BLTP3B: variants seen among roughly 807,000 people sequenced by gnomAD.
The protein encoded by BLTP3B is bridge-like lipid transfer protein family member 3B.
At chr12:100,070,287 TTAA>T in the BLTP3B span, 14 of 1,226,056 alleles carry the variant, frequency 1.1e-5, no homozygotes, top group African/African-American at 2.2e-4. Context: ...TTTTAATTAA[TTAA>T]TTTTTTTTTT....
the BLTP3B span, chr12:100,128,748 G>T: frequency 2.4e-6 from 3 of 1,268,026 alleles, no homozygotes; most frequent in Non-Finnish European, 3.1e-6. Flanking sequence ...GGTACACAGG[G>T]GACACAGAAG....
chr12:100,039,613 C>T, the BLTP3B span: 16 of 1,612,860 alleles, frequency 9.9e-6, no homozygotes, highest in Non-Finnish European at 1.3e-5. Flanking sequence ...CTAGTGAAGT[C>T]AAAGGAGAAC....
chr12:100,140,646 C>T, the BLTP3B span, among the ~76,000 whole-genome samples: 1 of 133,194 alleles, frequency 7.5e-6, no homozygotes, highest in Non-Finnish European at 1.5e-5. Context: ...CAGAGGCTGC[C>T]GTGAGCCGAG....
At chr12:100,062,587 G>C in the BLTP3B span, among the ~76,000 whole-genome samples, 3 of 148,674 alleles carry the variant, frequency 2.0e-5, no homozygotes, top group Non-Finnish European at 3.0e-5. Context: ...AAGGAATTTT[G>C]TAACTTTTTT....
the BLTP3B span, among the ~76,000 whole-genome samples, chr12:100,085,459 T>C: frequency 2.0e-5 from 3 of 152,090 alleles, no homozygotes. Context: ...GACGATAGTA[T>C]ATAAGACAAA....
the BLTP3B span, among the ~76,000 whole-genome samples, chr12:100,096,191 T>G: frequency 6.6e-6 from 1 of 151,786 alleles, no homozygotes; most frequent in Non-Finnish European, 1.5e-5. Flanking sequence ...GAGGCAGAGG[T>G]TGCAGTGAGC....
chr12:100,047,132 TATA>T, the BLTP3B span, among the ~76,000 whole-genome samples: 1 of 152,092 alleles, frequency 6.6e-6, no homozygotes, highest in African/African-American at 2.4e-5. Context: ...ATATAAGAAA[TATA>T]ATAAGTGAAA....
chr12:100,119,026 C>G, the BLTP3B span, among the ~76,000 whole-genome samples: 6 of 152,156 alleles, frequency 3.9e-5, no homozygotes, highest in Middle Eastern at 3.4e-3. Flanking sequence ...TGCTTGAACT[C>G]AGGAGGCGGA....
At chr12:100,039,548 C>T in the BLTP3B span, 7 of 1,498,154 alleles carry the variant, frequency 4.7e-6, no homozygotes, top group Non-Finnish European at 4.6e-6. Flanking sequence ...ATCTTAATAC[C>T]TAGTTATTTA....
chr12:100,040,724 C>A, the BLTP3B span, among the ~76,000 whole-genome samples: 1 of 151,372 alleles, frequency 6.6e-6, no homozygotes, highest in Admixed American at 6.6e-5. Context: ...AACTATGTAA[C>A]TTAGATGAAA....
the BLTP3B span, among the ~76,000 whole-genome samples, chr12:100,123,402 CACA>C: frequency 1.3e-5 from 2 of 152,162 alleles, no homozygotes; most frequent in Non-Finnish European, 1.5e-5. Context: ...CCTCTGCTCA[CACA>C]ACAATAATCA....
chr12:100,056,603 C>T, the BLTP3B span, among the ~76,000 whole-genome samples: 19 of 151,318 alleles, frequency 1.3e-4, no homozygotes, highest in African/African-American at 2.9e-4. Context: ...TTTGGGACGC[C>T]GAGGTGCACG....
At chr12:100,141,446 T>G in the BLTP3B span, among the ~76,000 whole-genome samples, 9,498 of 150,968 alleles carry the variant, frequency 0.063, 327 homozygotes, top group Middle Eastern at 0.14. Flanking sequence ...TATATATATG[T>G]ACACACACAC....
chr12:100,037,823 G>A, the BLTP3B span: 1 of 1,347,006 alleles, frequency 7.4e-7, no homozygotes. Context: ...TATTTATATA[G>A]TATCCAAAGG....
At chr12:100,088,955 T>C in the BLTP3B span, 2 of 1,609,968 alleles carry the variant, frequency 1.2e-6, no homozygotes, top group Non-Finnish European at 1.7e-6. Context: ...TGTGTAGATC[T>C]AGATGAGAAA....
chr12:100,110,805 GAAA>G, the BLTP3B span, among the ~76,000 whole-genome samples: 3 of 152,054 alleles, frequency 2.0e-5, no homozygotes, highest in Non-Finnish European at 4.4e-5. Flanking sequence ...AAGTGGAATT[GAAA>G]AAATATCAGA....
chr12:100,084,303 A>G, the BLTP3B span, among the ~76,000 whole-genome samples: 1 of 151,570 alleles, frequency 6.6e-6, no homozygotes, highest in African/African-American at 2.4e-5. Flanking sequence ...AGACTACCCT[A>G]GGCAACATAG....
At chr12:100,092,203 CTAG>C in the BLTP3B span, among the ~76,000 whole-genome samples, 1 of 152,060 alleles carries the variant, frequency 6.6e-6, no homozygotes, top group Non-Finnish European at 1.5e-5. Flanking sequence ...AAACAACTGC[CTAG>C]TTGTAAAGTT....
At chr12:100,039,821 T>A in the BLTP3B span, 1 of 1,567,764 alleles carries the variant, frequency 6.4e-7, no homozygotes, top group Non-Finnish European at 8.7e-7. Flanking sequence ...TCAGATAACA[T>A]TTCCAAATAC....
Sources: gnomAD v4.1 joint callset for allele counts (sites outside exome capture counted in the v4.1 genomes callset) on GRCh38, gnomAD v4.1.1 for gene constraint, MANE v1.5 for transcripts, NCBI Gene and HGNC (gene_info 2026-07-23, HGNC 2026-07-21) for gene names.